Variants in GOLM2 observed in about 807,000 individuals in gnomAD.
GOLM2 encodes golgi membrane protein 2, also known as protein GOLM2.
Under a neutral mutation model 55.9 loss-of-function variants are expected in GOLM2, and 26 were observed. That is an observed-to-expected ratio of 0.47 (90% CI 0.34 to 0.65). GOLM2 has a LOEUF of 0.65. GOLM2 is among the 30% of genes least tolerant of loss of function. The pLI, the probability that GOLM2 is intolerant of heterozygous loss-of-function variation, is 0.01. For synonymous variants in GOLM2, 165 were observed against 194.6 expected, an observed-to-expected ratio of 0.85 and a Z score of 1.27; for missense variants, 486 against 531.8, an observed-to-expected ratio of 0.91 and a Z score of 0.85.
At position 44,289,502 on chromosome 15, in the gene GOLM2, G is replaced by A; in HGVS notation, c.327+146G>A. 2.7e-6 allele frequency: 2 copies of A among 749,246 alleles called. No individual in the cohort carries two copies. The highest frequency in any genetic ancestry group is 2.4e-4 in the Middle Eastern group (1 of 4,144). The allele number at this position is 749,246 out of a possible 1,614,324, so 46.4% of individuals were successfully genotyped here. On this transcript the variant is annotated intron_variant, in intron 1 of 9. Coordinates refer to ENST00000299957, the MANE Select transcript of GOLM2 (RefSeq NM_138423.4). This position sits in a 1 kb window ranked among gnomAD's most constrained non-coding sequence, Gnocchi z 4.8. ...TTTCACCCCCAACAACCCTGTTTCT[G>A]TCAGACTTTTCCCAGTTTATCAGTG...
At chr15:44,291,640 A>G (rs899551864) in intron 1 of GOLM2, among the ~76,000 whole-genome samples, 4 of 152,156 alleles carry the variant, frequency 2.6e-5, no homozygotes, top group Non-Finnish European at 4.4e-5. Flanking sequence ...AGCTATTTGG[A>G]AACTATTTTC....
At chr15:44,297,562 G>GTT (rs375293143) in intron 1 of GOLM2, among the ~76,000 whole-genome samples, 2 of 137,292 alleles carry the variant, frequency 1.5e-5, no homozygotes, top group Admixed American at 7.3e-5. Context: ...ATTTTTTTTT[G>GTT]TTTTTTTTTT....
At chr15:44,300,124 A>G (rs1191823568) in intron 1 of GOLM2, among the ~76,000 whole-genome samples, 2 of 150,010 alleles carry the variant, frequency 1.3e-5, no homozygotes, top group Non-Finnish European at 3.0e-5. Flanking sequence ...AGGAAAAAAG[A>G]AAAGAAGAGA....
chr15:44,381,602 T>C (rs987684339), intron 8 of GOLM2, among the ~76,000 whole-genome samples: 3 of 152,188 alleles, frequency 2.0e-5, no homozygotes, highest in African/African-American at 7.2e-5. Flanking sequence ...CTCTAAAAGC[T>C]TCAGTTTGTC....
intron 1 of GOLM2, among the ~76,000 whole-genome samples, chr15:44,293,764 C>T (rs1400697790): frequency 2.6e-5 from 4 of 152,146 alleles, no homozygotes; most frequent in African/African-American, 7.2e-5. Flanking sequence ...CAGGTTTCTC[C>T]ACTATAATGT....
intron 6 of GOLM2, among the ~76,000 whole-genome samples, chr15:44,363,400 T>C (rs1228896099): frequency 6.6e-6 from 1 of 152,060 alleles, no homozygotes; most frequent in Non-Finnish European, 1.5e-5. Flanking sequence ...AACAGACACT[T>C]CTCAAAAGAA....
At chr15:44,298,202 A>G (rs994163772) in intron 1 of GOLM2, among the ~76,000 whole-genome samples, 1 of 150,522 alleles carries the variant, frequency 6.6e-6, no homozygotes, top group Non-Finnish European at 1.5e-5. Context: ...CTTCTGATCC[A>G]TGTCCACTAT....
In GOLM2 at chr15:44,372,331, ATCATGAAG is replaced by A. The variant is rs147586083; in HGVS notation, c.803-7356_803-7349del. ...CCTTCTCTATAGCCATAGGCACTGG[ATCATGAAG>A]TCCTGTTAGTCAGGAAATTGGAAGT... On this transcript the variant is annotated intron_variant, in intron 6 of 9. Coordinates refer to ENST00000299957, the MANE Select transcript of GOLM2 (RefSeq NM_138423.4). Among the ~76,000 whole-genome samples the A allele has an allele frequency of 3.9e-3, 590 of 152,264 alleles. 15 individuals are homozygous for A. The East Asian group carries it at 0.042, about 11-fold the overall frequency.
intron 8 of GOLM2, among the ~76,000 whole-genome samples, chr15:44,387,892 G>C (rs757810799): frequency 3.8e-4 from 58 of 151,778 alleles, no homozygotes; most frequent in Non-Finnish European, 7.5e-4. Context: ...CTCTTATGAT[G>C]ATTTTCATTT....
intron 2 of GOLM2, among the ~76,000 whole-genome samples, chr15:44,327,205 C>T (rs1167823347): frequency 6.6e-6 from 1 of 151,792 alleles, no homozygotes; most frequent in Non-Finnish European, 1.5e-5. Context: ...CCCGCCTCCA[C>T]CTCCCAAAGT....
At chr15:44,408,611 T>A (rs1245032457) in intron 9 of GOLM2, among the ~76,000 whole-genome samples, 1 of 152,234 alleles carries the variant, frequency 6.6e-6, no homozygotes, top group Non-Finnish European at 1.5e-5. Context: ...GTACGTGAGC[T>A]GGGAGTACAT....
At chr15:44,370,578 A>C (rs1172961188) in intron 6 of GOLM2, among the ~76,000 whole-genome samples, 1 of 151,962 alleles carries the variant, frequency 6.6e-6, no homozygotes, top group Non-Finnish European at 1.5e-5. Context: ...CGTGGTCCCT[A>C]CTCTTAAACT....
chr15:44,302,989 G>A (rs2078809642), intron 1 of GOLM2, among the ~76,000 whole-genome samples: 1 of 152,092 alleles, frequency 6.6e-6, no homozygotes, highest in South Asian at 2.1e-4. Context: ...TGTAGTCCCA[G>A]CTACTTGGGA....
intron 6 of GOLM2, among the ~76,000 whole-genome samples, chr15:44,363,944 CA>C (rs2079263373): frequency 1.3e-5 from 2 of 150,666 alleles, no homozygotes; most frequent in South Asian, 4.2e-4. Flanking sequence ...ATCGCAAGAA[CA>C]AAAAACCAAA....
At chr15:44,308,743 G>A (rs1394475422) in intron 1 of GOLM2, among the ~76,000 whole-genome samples, 1 of 152,114 alleles carries the variant, frequency 6.6e-6, no homozygotes, top group Non-Finnish European at 1.5e-5. Flanking sequence ...GACTGCAGGT[G>A]TGTGCACCAA....
intron 8 of GOLM2, among the ~76,000 whole-genome samples, chr15:44,389,052 C>T (rs576018900): frequency 2.0e-5 from 3 of 152,008 alleles, no homozygotes; most frequent in East Asian, 3.9e-4. Flanking sequence ...CTCCTGACCT[C>T]GTGATCTGCC....
In GOLM2 at chr15:44,351,530, T is replaced by C. The variant is rs558352214; in HGVS notation, c.802+13213T>C. Among the ~76,000 whole-genome samples the C allele has an allele frequency of 2.7e-5, 4 of 147,282 alleles. No homozygotes were observed. In the South Asian group the frequency reaches 8.6e-4, roughly 32 times the overall value. ...AGGCACAGCTTGCAGTGAGCTGAGA[T>C]TGCGCCGCTACACTCCAGCCTGGGC... is the stretch of plus-strand genomic sequence containing the variant. On this transcript the variant is annotated intron_variant, in intron 6 of 9. Coordinates refer to ENST00000299957, the MANE Select transcript of GOLM2 (RefSeq NM_138423.4).
At chr15:44,339,972 A>C (rs1416290451) in intron 6 of GOLM2, among the ~76,000 whole-genome samples, 2 of 151,792 alleles carry the variant, frequency 1.3e-5, no homozygotes, top group Non-Finnish European at 2.9e-5. Flanking sequence ...GGCATGTGCC[A>C]CCACACCTGA....
At chr15:44,301,620 A>C (rs1474015681) in intron 1 of GOLM2, among the ~76,000 whole-genome samples, 1 of 152,180 alleles carries the variant, frequency 6.6e-6, no homozygotes, top group Non-Finnish European at 1.5e-5. Context: ...GTTTTAGTTG[A>C]GTCCTAAAAA....
Sources: gnomAD v4.1 joint callset for allele counts (sites outside exome capture counted in the v4.1 genomes callset) on GRCh38, gnomAD v4.1.1 for gene constraint, Gnocchi (gnomAD v3.1) non-coding constraint, MANE v1.5 for transcripts, NCBI Gene and HGNC (gene_info 2026-07-23, HGNC 2026-07-21) for gene names.